The following DCUN1D4 variants were observed in gnomAD, a reference collection of about 807,000 sequenced individuals.
DCUN1D4 encodes DCN1-like protein 4.
Under a neutral mutation model 47.9 loss-of-function variants are expected in DCUN1D4, and 22 were observed. The ratio of observed to expected loss-of-function variants is 0.46; its 90% CI spans 0.33 to 0.66. The LOEUF is 0.66. Ranked by LOEUF, DCUN1D4 falls within the 30% of genes least tolerant of loss-of-function variation. The pLI, the probability that DCUN1D4 is intolerant of heterozygous loss-of-function variation, is 0.02. For synonymous variants in DCUN1D4, 121 were observed against 112.2 expected (o/e 1.08, Z -0.50); for missense variants, 301 against 340.8 (o/e 0.88, Z 0.92).
chr4:51,849,338 T>C (rs1723019757), intron 1 of DCUN1D4, among the ~76,000 whole-genome samples: 1 of 152,182 alleles, frequency 6.6e-6, no homozygotes, highest in South Asian at 2.1e-4. Context: ...GTCTGCTGTG[T>C]CCCCTTAGGC....
chr4:51,886,977 A>G (rs962580173), intron 6 of DCUN1D4: 10 of 421,876 alleles, frequency 2.4e-5, no homozygotes, highest in Non-Finnish European at 1.8e-5. Flanking sequence ...GCCCCTCAGT[A>G]GTTGTTTTAG....
intron 1 of DCUN1D4, among the ~76,000 whole-genome samples, chr4:51,847,222 G>A (rs1488164529): frequency 6.6e-6 from 1 of 152,142 alleles, no homozygotes; most frequent in East Asian, 1.9e-4. Flanking sequence ...CAACCTTTAC[G>A]TTGATTTATT....
intron 8 of DCUN1D4, among the ~76,000 whole-genome samples, chr4:51,902,189 A>G (rs1213507085): frequency 6.6e-6 from 1 of 152,190 alleles, no homozygotes; most frequent in Non-Finnish European, 1.5e-5. Flanking sequence ...TATGGTCCAG[A>G]ATATGGTCTG....
chr4:51,863,832 G>C (rs1022389797), intron 3 of DCUN1D4, 123 bp downstream of exon 3: 104 of 1,069,270 alleles, frequency 9.7e-5, no homozygotes, highest in South Asian at 4.1e-4. Flanking sequence ...TTCCTTGGCT[G>C]AGGTTGTTTT....
At chr4:51,899,599 A>C (rs545023604) in intron 8 of DCUN1D4, among the ~76,000 whole-genome samples, 23 of 152,340 alleles carry the variant, frequency 1.5e-4, no homozygotes, top group African/African-American at 5.1e-4. Context: ...GCAGACGTTT[A>C]CTGGCTCTTG....
At chr4:51,884,522 G>A (rs926869006) in intron 5 of DCUN1D4, 2 of 152,224 alleles carry the variant, frequency 1.3e-5, no homozygotes, top group East Asian at 1.9e-4. Context: ...TAAATCTAGA[G>A]GGTATAGGAG....
intron 3 of DCUN1D4, among the ~76,000 whole-genome samples, chr4:51,869,460 A>G (rs1423340705): frequency 6.6e-6 from 1 of 152,222 alleles, no homozygotes; most frequent in Non-Finnish European, 1.5e-5. Flanking sequence ...CTGTGATACA[A>G]TCAGCTCACT....
intron 8 of DCUN1D4, chr4:51,905,416 G>A (rs906600816): frequency 9.4e-6 from 2 of 211,986 alleles, no homozygotes; most frequent in Admixed American, 4.9e-5. Context: ...ATATACACAA[G>A]GGCCAACATG....
rs1438982059 is a variant in DCUN1D4 at position 51,877,764 on chromosome 4, A to G, written c.253A>G (p.Met85Val). The G allele has an allele frequency of 6.3e-7, 1 of 1,597,004 alleles. No homozygotes were observed. The highest frequency in any genetic ancestry group is 8.5e-7 in the Non-Finnish European group (1 of 1,171,718). Residue 85 changes from methionine (M) to valine (V), a missense_variant and splice_region_variant, in exon 5 of 11, where the codon ATG becomes GTG. By Grantham distance (21) the Met-to-Val change is conservative. Around this residue, in one of 2 missense-constraint regions of DCUN1D4, gnomAD observed 131 missense variants for 106.3 expected, o/e 1.23. Coordinates refer to ENST00000334635, the MANE Select transcript of DCUN1D4 (RefSeq NM_001040402.3). Reference sequence around the variant, plus strand: ...TAAAACTGCCTTTTCAATTTCCAGCATGTATAGAAAATATGATTCGACTAG... The same window carrying G: ...TAAAACTGCCTTTTCAATTTCCAGCGTGTATAGAAAATATGATTCGACTAG... ...LSAKKSRHDS[M>V]YRKYDSTRIK...
chr4:51,836,470 T>C, the DCUN1D4 span, among the ~76,000 whole-genome samples: 5 of 152,192 alleles, frequency 3.3e-5, no homozygotes, highest in Non-Finnish European at 5.9e-5. Context: ...TATTTCTTTT[T>C]CAATTTTGGA....
upstream of DCUN1D4, among the ~76,000 whole-genome samples, chr4:51,838,402 G>A (rs1397318445): frequency 6.6e-6 from 1 of 151,938 alleles, no homozygotes; most frequent in Non-Finnish European, 1.5e-5. Flanking sequence ...ATTTATTTGA[G>A]GCAGGGTCTC....
chr4:51,834,075 TCTCTCTCTC>T, the DCUN1D4 span, among the ~76,000 whole-genome samples: 109 of 140,286 alleles, frequency 7.8e-4, no homozygotes, highest in Middle Eastern at 0.011. Context: ...TCTCTCTCTC[TCTCTCTCTC>T]TCTTTTCTTT....
At chr4:51,876,941 T>C (rs1415804105) in intron 4 of DCUN1D4, among the ~76,000 whole-genome samples, 18 of 152,228 alleles carry the variant, frequency 1.2e-4, no homozygotes, top group East Asian at 1.9e-4. Flanking sequence ...TATATACTTA[T>C]AATTTTTATA....
At chr4:51,875,822 G>A (rs1048789030) in intron 4 of DCUN1D4, among the ~76,000 whole-genome samples, 15 of 152,108 alleles carry the variant, frequency 9.9e-5, no homozygotes, top group African/African-American at 3.6e-4. Flanking sequence ...ATGGTATTCC[G>A]TTGTATGCTC....
In DCUN1D4 at chr4:51,913,980, C is replaced by T. The variant is rs1159299280; in HGVS notation, c.*396C>T. On this transcript the variant is annotated 3_prime_UTR_variant, in exon 11 of 11. Transcript: ENST00000334635. ...ATGAACCAATTATACTTTATTTGGT[C>T]TCCTATGTAGCATTTCAGAAAACAA... is the stretch of plus-strand genomic sequence containing the variant. 6.1e-6 allele frequency: 1 copy of T among 164,814 alleles called. No individual in the cohort carries two copies. The highest frequency in any genetic ancestry group is 2.4e-5 in the African/African-American group (1 of 41,764). The allele number at this position is 164,814 out of a possible 1,614,324, so 10.2% of individuals were successfully genotyped here. A position where few individuals can be genotyped will look rare whatever the true frequency, so the allele number is the denominator to read the frequency against.
chr4:51,858,461 A>G (rs1417919235), intron 1 of DCUN1D4, among the ~76,000 whole-genome samples: 1 of 152,186 alleles, frequency 6.6e-6, no homozygotes, highest in Non-Finnish European at 1.5e-5. Context: ...TGCAGGGTGT[A>G]CAAGGCCCTG....
intron 1 of DCUN1D4, among the ~76,000 whole-genome samples, chr4:51,846,704 T>C (rs1003390122): frequency 6.6e-6 from 1 of 152,190 alleles, no homozygotes; most frequent in South Asian, 2.1e-4. Context: ...ATGCTCAAAT[T>C]AATGGCTTAA....
At chr4:51,836,251 T>C in the DCUN1D4 span, among the ~76,000 whole-genome samples, 1 of 152,208 alleles carries the variant, frequency 6.6e-6, no homozygotes, top group Non-Finnish European at 1.5e-5. Flanking sequence ...TTGATAATCA[T>C]CACTGTGAAT....
chr4:51,844,063 G>C (rs1206316230), intron 1 of DCUN1D4, among the ~76,000 whole-genome samples: 1 of 148,844 alleles, frequency 6.7e-6, no homozygotes, highest in African/African-American at 2.5e-5. Flanking sequence ...GGGAGGAAGA[G>C]GAGAAAAAGG....
Sources: allele counts gnomAD v4.1 joint callset (sites outside exome capture counted in the v4.1 genomes callset), GRCh38; gene constraint gnomAD v4.1.1; regional missense constraint gnomAD v4.1.1; transcripts MANE v1.5; gene names NCBI Gene and HGNC (gene_info 2026-07-23, HGNC 2026-07-21).